The following FRY variants were observed in gnomAD, a reference collection of about 807,000 sequenced individuals.
FRY encodes the protein protein furry homolog.
FRY carries 128 observed loss-of-function variants against 348.4 expected under a neutral mutation model. The observed-to-expected ratio is 0.37, with a 90% CI of 0.32 to 0.43. FRY has a LOEUF of 0.43. FRY is among the 20% of genes least tolerant of loss of function. The pLI, the probability that FRY is intolerant of heterozygous loss-of-function variation, is 1.00. For missense variants in FRY, 2,736 were observed against 3,695.2 expected (o/e 0.74, Z 6.73); for synonymous variants, 1,370 against 1,374.7 (o/e 1.00, Z 0.08).
intron 40 of FRY, among the ~76,000 whole-genome samples, chr13:32,230,459 G>C (rs766289042): frequency 6.6e-5 from 10 of 152,244 alleles, no homozygotes; most frequent in South Asian, 2.1e-4. Context: ...TAAGGTGATA[G>C]CCTCTAGCTC....
chr13:32,159,409 T>C (rs985041877), intron 16 of FRY, among the ~76,000 whole-genome samples: 1 of 152,208 alleles, frequency 6.6e-6, no homozygotes, highest in Non-Finnish European at 1.5e-5. Context: ...CATTGAACAT[T>C]CTGTGTTGCT....
chr13:32,048,935 A>G (rs939578932), intron 1 of FRY, among the ~76,000 whole-genome samples: 6 of 152,214 alleles, frequency 3.9e-5, no homozygotes, highest in Non-Finnish European at 8.8e-5. Flanking sequence ...TTAAATGCTT[A>G]CATGTGTAGG....
chr13:32,173,664 G>A (rs1242538607), intron 19 of FRY, 115 bp downstream of exon 19: 4 of 803,508 alleles, frequency 5.0e-6, no homozygotes, highest in African/African-American at 3.4e-5. Flanking sequence ...TACATGTAGT[G>A]TTTCATTCAT....
rs757767686 is a variant in FRY at position 32,149,848 on chromosome 13, T to C, written c.1479+14T>C. 1 of 1,473,576 alleles carries C rather than the reference T, an allele frequency of 6.8e-7. No individual in the cohort carries two copies. Among genetic ancestry groups the C allele is most frequent in the Non-Finnish European group, 9.5e-7 (1 of 1,051,670 alleles). The allele number at this position is 1,473,576 out of a possible 1,614,324, so 91.3% of individuals were successfully genotyped here. A position where few individuals can be genotyped will look rare whatever the true frequency, so the allele number is the denominator to read the frequency against. On this transcript the variant is annotated intron_variant, in intron 14 of 60. Transcript: ENST00000542859. ...CTCAACCCAGAGGTATGAATGATCC[T>C]TTTATGTACTTCTAACAGAGCATGT...
chr13:32,054,694 A>AGACCCC (rs755485282), intron 1 of FRY, among the ~76,000 whole-genome samples: 8 of 152,106 alleles, frequency 5.3e-5, no homozygotes, highest in Non-Finnish European at 8.8e-5. Flanking sequence ...AAACACGGTG[A>AGACCCC]GACCCCGTCT....
chr13:32,128,609 C>T (rs1041869568), intron 7 of FRY, among the ~76,000 whole-genome samples: 18 of 152,194 alleles, frequency 1.2e-4, no homozygotes, highest in African/African-American at 4.3e-4. Flanking sequence ...ATCAGAAGCT[C>T]TGGGTTTGAG....
intron 3 of FRY, 136 bp from the exon 4 acceptor site, chr13:32,117,198 A>C: frequency 3.9e-6 from 3 of 774,064 alleles, no homozygotes; most frequent in Non-Finnish European, 6.6e-6. Context: ...GTACTAATAA[A>C]GATTATGAAA....
chr13:32,209,495 G>T, intron 32 of FRY, 90 bp from the exon 33 acceptor site: 2 of 1,238,074 alleles, frequency 1.6e-6, no homozygotes, highest in Admixed American at 1.7e-5. Context: ...ATTTTGAGAC[G>T]GTCATGACCC....
chr13:32,207,292 A>T (rs981776699), intron 31 of FRY, among the ~76,000 whole-genome samples: 1 of 152,090 alleles, frequency 6.6e-6, no homozygotes, highest in Non-Finnish European at 1.5e-5. Flanking sequence ...GTGGAGTTTA[A>T]ATAGTTCTCC....
intron 1 of FRY, among the ~76,000 whole-genome samples, chr13:32,050,051 GTGT>G (rs773911058): frequency 1.2e-4 from 19 of 152,286 alleles, no homozygotes; most frequent in Non-Finnish European, 2.6e-4. Context: ...TAACACAGTG[GTGT>G]TGTATAGCTG....
intron 2 of FRY, among the ~76,000 whole-genome samples, chr13:32,087,831 T>A (rs189222722): frequency 2.2e-4 from 33 of 152,342 alleles, no homozygotes; most frequent in Non-Finnish European, 3.8e-4. Context: ...TTGGAAATTC[T>A]GCTGTGCTAA....
At position 32,209,087 on chromosome 13, in the gene FRY, A is replaced by G. The variant is rs748241896; in HGVS notation, c.4253A>G (p.Asn1418Ser). Reference sequence around the variant, plus strand: ...GAAGCCACGTCACTGGTCCTGAACAACCTCATGTACATGACGGCCAAGGTA... The same window carrying G: ...GAAGCCACGTCACTGGTCCTGAACAGCCTCATGTACATGACGGCCAAGGTA... ...SPEATSLVLN[N>S]LMYMTAKYGD... Residue 1418 changes from asparagine (N) to serine (S), a missense_variant, in exon 32 of 61, where the codon AAC (asparagine) becomes AGC (serine). Around this residue, in one of 9 missense-constraint regions of FRY, gnomAD observed 794 missense variants for 977.0 expected, o/e 0.81. Transcript: ENST00000542859. The G allele has an allele frequency of 6.2e-7, 1 of 1,614,032 alleles. No homozygotes were observed. Among genetic ancestry groups the G allele is most frequent in the Non-Finnish European group, 8.5e-7 (1 of 1,180,018 alleles).
chr13:32,135,123 T>C lies in FRY; in HGVS notation c.1017T>C (p.Asn339=), dbSNP rs1277890178. 1 of 1,613,074 alleles carries C rather than the reference T, an allele frequency of 6.2e-7. No individual in the cohort carries two copies. Among genetic ancestry groups the C allele is most frequent in the South Asian group, 1.1e-5 (1 of 91,064 alleles). ...AAGTAAATGTTCCCTGCCTTAGAAA[T>C]TTTGTGGAAAGCCTGTATGACACCA... The part of the protein sequence containing the change: ...KNEVNVPCLR[N]FVESLYDTTL... The change falls in exon 10 of 61, where the codon AAT becomes AAC. Residue 339 remains asparagine (N), a synonymous_variant. Transcript: ENST00000542859.
chr13:32,133,875 G>T (rs1212709441), intron 8 of FRY, among the ~76,000 whole-genome samples: 2 of 148,332 alleles, frequency 1.3e-5, no homozygotes, highest in African/African-American at 5.0e-5. Context: ...TGCCTCCCAG[G>T]CACAAGTGAT....
At chr13:32,251,145 A>T (rs1462430485) in intron 49 of FRY, among the ~76,000 whole-genome samples, 3 of 152,186 alleles carry the variant, frequency 2.0e-5, no homozygotes, top group Admixed American at 6.5e-5. Context: ...TTTTAAAGAG[A>T]TTAGGAAGAT....
chr13:32,048,976 C>G (rs1012707414), intron 1 of FRY, among the ~76,000 whole-genome samples: 3 of 152,114 alleles, frequency 2.0e-5, no homozygotes, highest in Non-Finnish European at 2.9e-5. Context: ...CACAGTGATT[C>G]AGCAGGCCCA....
At chr13:32,212,185 A>G (rs1884725061) in intron 34 of FRY, 107 bp from the exon 35 acceptor site, 3 of 717,316 alleles carry the variant, frequency 4.2e-6, no homozygotes, top group African/African-American at 1.8e-5. Flanking sequence ...AAATCTTCCA[A>G]ACATAAGAAT....
At chr13:32,104,002 G>A (rs1398530880) in intron 3 of FRY, among the ~76,000 whole-genome samples, 1 of 151,750 alleles carries the variant, frequency 6.6e-6, no homozygotes, top group Non-Finnish European at 1.5e-5. Flanking sequence ...TCTTTTATTA[G>A]CTTTCCACTC....
chr13:32,075,974 T>A (rs1875024311), intron 1 of FRY, among the ~76,000 whole-genome samples: 1 of 152,234 alleles, frequency 6.6e-6, no homozygotes, highest in Admixed American at 6.5e-5. Context: ...CAATATCACA[T>A]TTGTATTCAC....
Sources: allele counts gnomAD v4.1 joint callset (sites outside exome capture counted in the v4.1 genomes callset), GRCh38; gene constraint gnomAD v4.1.1; regional missense constraint gnomAD v4.1.1; transcripts MANE v1.5; gene names NCBI Gene and HGNC (gene_info 2026-07-23, HGNC 2026-07-21).